RSPO2: variants seen among roughly 807,000 people sequenced by gnomAD.
The protein encoded by RSPO2 is R-spondin-2.
Under a neutral mutation model 30.9 loss-of-function variants are expected in RSPO2, and 14 were observed. The observed-to-expected ratio is 0.45, with a 90% CI of 0.30 to 0.71. The LOEUF (loss-of-function observed/expected upper bound fraction) is 0.71, where lower values mean the gene tolerates loss of function less well. Among genes scored for constraint, RSPO2 ranks in the 30% least tolerant of loss-of-function variants. The pLI is 0.08. For synonymous variants in RSPO2, 107 were observed against 96.4 expected (o/e 1.11, Z -0.64); for missense variants, 264 against 301.9 (o/e 0.87, Z 0.93).
chr8:107,909,660 C>T (rs2130266600), intron 5 of RSPO2, among the ~76,000 whole-genome samples: 1 of 152,136 alleles, frequency 6.6e-6, no homozygotes, highest in Non-Finnish European at 1.5e-5. Context: ...GACTGAGTTC[C>T]ACAAAAAAAG....
chr8:107,950,005 T>A (rs1368114782), intron 5 of RSPO2, among the ~76,000 whole-genome samples: 1 of 152,186 alleles, frequency 6.6e-6, no homozygotes, highest in Admixed American at 6.5e-5. Context: ...ATGGGTGGTG[T>A]GACGACATCG....
intron 5 of RSPO2, among the ~76,000 whole-genome samples, chr8:107,908,310 G>A (rs1045584170): frequency 9.2e-5 from 14 of 152,088 alleles, no homozygotes; most frequent in Admixed American, 8.5e-4. Context: ...TCCGTAGTCC[G>A]TCAAAGAGAA....
chr8:107,987,265 T>C (rs1245224892), intron 3 of RSPO2, among the ~76,000 whole-genome samples: 1 of 152,238 alleles, frequency 6.6e-6, no homozygotes. Context: ...GCAATCATTA[T>C]AATAGCCTTC....
intron 2 of RSPO2, among the ~76,000 whole-genome samples, chr8:108,053,790 T>G (rs891571060): frequency 2.0e-5 from 3 of 152,212 alleles, no homozygotes; most frequent in African/African-American, 7.2e-5. Flanking sequence ...CTTTGGAATA[T>G]GTTTTCAAAA....
At chr8:108,061,351 A>C (rs1205551404) in intron 2 of RSPO2, among the ~76,000 whole-genome samples, 5 of 151,986 alleles carry the variant, frequency 3.3e-5, no homozygotes, top group South Asian at 4.1e-4. Flanking sequence ...TCTACCAAGC[A>C]AATGGAAAAC....
chr8:108,025,902 C>T (rs1243317488), intron 2 of RSPO2, among the ~76,000 whole-genome samples: 1 of 152,152 alleles, frequency 6.6e-6, no homozygotes, highest in African/African-American at 2.4e-5. Context: ...GCAATCATTA[C>T]AGTAATAATT....
intron 2 of RSPO2, among the ~76,000 whole-genome samples, chr8:108,018,354 C>G (rs1810956491): frequency 1.3e-5 from 2 of 152,196 alleles, no homozygotes; most frequent in Non-Finnish European, 2.9e-5. Context: ...ATAAATCCTT[C>G]TCACACTGTA....
Position 107,899,426 on chromosome 8 carries a change from G to C in RSPO2, c.*1649C>G, listed in dbSNP as rs1811370307. The C allele has an allele frequency of 6.6e-6, 1 of 151,238 alleles. No homozygotes were observed. Among genetic ancestry groups the C allele is most frequent in the Non-Finnish European group, 1.5e-5 (1 of 67,098 alleles). The allele number at this position is 151,238 out of a possible 1,614,324, so 9.4% of individuals were successfully genotyped here. A position where few individuals can be genotyped will look rare whatever the true frequency, so the allele number is the denominator to read the frequency against. On this transcript the variant is annotated 3_prime_UTR_variant, in exon 6 of 6. Transcript: ENST00000276659. ...GACCCCCTCCCCACTTAGTAAATGG[G>C]AAAATAGTGTAAATAGACATGAAAG...
At chr8:107,902,380 C>T (rs762350998) in intron 5 of RSPO2, among the ~76,000 whole-genome samples, 9 of 152,144 alleles carry the variant, frequency 5.9e-5, no homozygotes, top group African/African-American at 1.7e-4. Flanking sequence ...ATCAGTACTA[C>T]GAATAGGGAA....
chr8:108,038,073 T>C (rs1196008915), intron 2 of RSPO2, among the ~76,000 whole-genome samples: 1 of 152,208 alleles, frequency 6.6e-6, no homozygotes, highest in Non-Finnish European at 1.5e-5. Flanking sequence ...CTAATGAATC[T>C]GGGAAAAGTA....
intron 2 of RSPO2, among the ~76,000 whole-genome samples, chr8:108,068,527 A>C (rs1182493287): frequency 6.6e-6 from 1 of 152,224 alleles, no homozygotes; most frequent in Non-Finnish European, 1.5e-5. Flanking sequence ...GGTATGATGC[A>C]AAGGGTATTT....
At chr8:108,058,304 C>T (rs896234228) in intron 2 of RSPO2, among the ~76,000 whole-genome samples, 3 of 152,038 alleles carry the variant, frequency 2.0e-5, no homozygotes, top group African/African-American at 7.2e-5. Flanking sequence ...ACATGAAGGA[C>T]CTCTTCAAGG....
At chr8:108,056,518 G>C (rs566244793) in intron 2 of RSPO2, among the ~76,000 whole-genome samples, 2 of 150,528 alleles carry the variant, frequency 1.3e-5, no homozygotes, top group East Asian at 2.0e-4. Context: ...GGCTACTTGG[G>C]AGGCTGAGGT....
chr8:107,962,821 A>G (rs1813674749), intron 3 of RSPO2, among the ~76,000 whole-genome samples: 1 of 152,200 alleles, frequency 6.6e-6, no homozygotes. Context: ...AAAGAGAAAA[A>G]GAGGACTTTA....
At chr8:107,914,615 G>A (rs1162018797) in intron 5 of RSPO2, among the ~76,000 whole-genome samples, 1 of 152,080 alleles carries the variant, frequency 6.6e-6, no homozygotes, top group Non-Finnish European at 1.5e-5. Flanking sequence ...TAGACACTGA[G>A]TTATTGAGAA....
chr8:107,984,561 G>A (rs1036785625), intron 3 of RSPO2, among the ~76,000 whole-genome samples: 1 of 152,134 alleles, frequency 6.6e-6, no homozygotes, highest in Non-Finnish European at 1.5e-5. Flanking sequence ...ATGAAGAAAG[G>A]AACCAAATTA....
intron 5 of RSPO2, among the ~76,000 whole-genome samples, chr8:107,940,457 A>C (rs1359355674): frequency 6.6e-6 from 1 of 152,188 alleles, no homozygotes; most frequent in Admixed American, 6.5e-5. Context: ...TAAAAAAGAA[A>C]AACACTAGTA....
At chr8:107,988,962 A>ATT in intron 3 of RSPO2, 94 bp downstream of exon 3, 1 of 1,205,434 alleles carries the variant, frequency 8.3e-7, no homozygotes, top group Non-Finnish European at 1.2e-6. Flanking sequence ...TTACAAACAC[A>ATT]TTTTTTTTAA....
At chr8:108,011,134 G>GAAAAAAAA (rs66722934) in intron 2 of RSPO2, among the ~76,000 whole-genome samples, 11 of 100,360 alleles carry the variant, frequency 1.1e-4, no homozygotes, top group Non-Finnish European at 1.9e-4. Flanking sequence ...CTCCGTCCCA[G>GAAAAAAAA]AAAAAAAAAA....
Sources: gnomAD v4.1 joint callset for allele counts (sites outside exome capture counted in the v4.1 genomes callset) on GRCh38, gnomAD v4.1.1 for gene constraint, MANE v1.5 for transcripts, NCBI Gene and HGNC (gene_info 2026-07-23, HGNC 2026-07-21) for gene names.